SLC4A3: variants seen among roughly 807,000 people sequenced by gnomAD.
SLC4A3 encodes the protein anion exchange protein 3.
SLC4A3 carries 47 observed loss-of-function variants against 114.2 expected under a neutral mutation model. The ratio of observed to expected loss-of-function variants is 0.41; its 90% CI spans 0.33 to 0.52. The LOEUF (loss-of-function observed/expected upper bound fraction) is 0.52. Among genes scored for constraint, SLC4A3 ranks in the 20% least tolerant of loss-of-function variants. SLC4A3 has a pLI of 0.21. For synonymous variants in SLC4A3, 693 were observed against 710.3 expected (o/e 0.98, Z 0.39); for missense variants, 1,312 against 1,668.3 (o/e 0.79, Z 3.72).
chr2:219,636,173 A>G lies in SLC4A3; in HGVS notation c.2192-129A>G, dbSNP rs750791034. 6.5e-5 allele frequency: 69 copies of G among 1,059,234 alleles called. No homozygotes were observed. Among genetic ancestry groups the G allele is most frequent in the Non-Finnish European group, 9.0e-5 (64 of 714,228 alleles). 65.6% of individuals were successfully genotyped at this position (1,059,234 alleles called of 1,614,324 possible). A position where few individuals can be genotyped will look rare whatever the true frequency, so the allele number is the denominator to read the frequency against. ...GGGTTTGGGAGCAATGGGGTATGGA[A>G]GGGGCCCTGTGTGTCACTCTAAGGG... On this transcript the variant is annotated intron_variant, in intron 14 of 22. Transcript: ENST00000358055. This position sits in a 1 kb window ranked among gnomAD's most constrained non-coding sequence, Gnocchi z 5.5.
At position 219,639,360 on chromosome 2, in the gene SLC4A3, TC is replaced by T; in HGVS notation, c.3024-120del. 16 of 1,195,652 alleles carry T rather than the reference TC, an allele frequency of 1.3e-5. No homozygotes were observed. Among genetic ancestry groups the T allele is most frequent in the Non-Finnish European group, 1.9e-5 (16 of 843,760 alleles). 74.1% of individuals were successfully genotyped at this position (1,195,652 alleles called of 1,614,324 possible). A position where few individuals can be genotyped will look rare whatever the true frequency, so the allele number is the denominator to read the frequency against. ...GGAACTTGAAAGAAGAAGCTGGCAGTCCTAGGGAGAACTGTTGTCTGCACGT... is the reference window on the plus strand; with the variant it reads ...GGAACTTGAAAGAAGAAGCTGGCAGTCTAGGGAGAACTGTTGTCTGCACGT... On this transcript the variant is annotated intron_variant, in intron 19 of 22. Transcript: ENST00000358055. This position sits in a 1 kb window ranked among gnomAD's most constrained non-coding sequence, Gnocchi z 5.9.
chr2:219,633,118 A>G, intron 9 of SLC4A3, 109 bp downstream of exon 9: 2 of 1,434,216 alleles, frequency 1.4e-6, no homozygotes, highest in East Asian at 4.6e-5. Context: ...CAAGTGACAG[A>G]GAGCTCATTT....
At chr2:219,635,017 C>G (rs543885040) in intron 12 of SLC4A3, among the ~76,000 whole-genome samples, 6 of 152,274 alleles carry the variant, frequency 3.9e-5, no homozygotes, top group Non-Finnish European at 8.8e-5. Context: ...AGGTGTTATC[C>G]CTTTAGTTGC....
Position 219,629,612 on chromosome 2 carries a change from A to G in SLC4A3, c.528A>G (p.Pro176=). 2 of 1,612,998 alleles carry G rather than the reference A, an allele frequency of 1.2e-6. No individual in the cohort carries two copies. The highest frequency in any genetic ancestry group is 1.3e-5 in the African/African-American group (1 of 74,896). Residue 176 remains proline, a synonymous_variant, in exon 5 of 23, where the codon CCA becomes CCG. Coordinates refer to ENST00000358055, the MANE Select transcript of SLC4A3 (RefSeq NM_005070.4). ...FSIGSDEDDS[P]GLPGRAAVTK... is the part of the protein sequence containing the mutation. The stretch of plus-strand genomic sequence containing the variant: ...TTGGAAGTGACGAGGATGACAGTCC[A>G]GGCCTCCCTGGGAGGGCTGCTGTCA...
intron 9 of SLC4A3, 124 bp downstream of exon 9, chr2:219,633,133 C>CT: frequency 7.2e-7 from 1 of 1,396,638 alleles, no homozygotes; most frequent in Non-Finnish European, 9.9e-7. Context: ...TCATTTCTAT[C>CT]TTTTGACACT....
At position 219,631,891 on chromosome 2, in the gene SLC4A3, T is replaced by C; in HGVS notation, c.812-77T>C. ...TGTAGAGCTCACCAAGTAGATGGGTTGGGCAGAAGGAGCTGGGCCGTGACC... is the reference window on the plus strand; with the variant it reads ...TGTAGAGCTCACCAAGTAGATGGGTCGGGCAGAAGGAGCTGGGCCGTGACC... On this transcript the variant is annotated intron_variant, in intron 6 of 22. Coordinates refer to ENST00000358055, the MANE Select transcript of SLC4A3 (RefSeq NM_005070.4). This position sits in a 1 kb window ranked among gnomAD's most constrained non-coding sequence, Gnocchi z 6.3. The C allele has an allele frequency of 6.8e-7, 1 of 1,478,892 alleles. No individual in the cohort carries two copies. Among genetic ancestry groups the C allele is most frequent in the Non-Finnish European group, 9.1e-7 (1 of 1,099,698 alleles). The allele number at this position is 1,478,892 out of a possible 1,614,324, so 91.6% of individuals were successfully genotyped here. A position where few individuals can be genotyped will look rare whatever the true frequency, so the allele number is the denominator to read the frequency against.
Position 219,628,528 on chromosome 2 carries a change from C to G in SLC4A3, c.175C>G (p.Pro59Ala), listed in dbSNP as rs769796279. 21 of 1,613,306 alleles carry G rather than the reference C, an allele frequency of 1.3e-5. No individual in the cohort carries two copies. Among genetic ancestry groups the G allele is most frequent in the Non-Finnish European group, 1.7e-5 (20 of 1,179,832 alleles). The stretch of plus-strand genomic sequence containing the variant: ...CATCAGCAAGCCCCCGGCCTGGGAC[C>G]CCGAGAAGCCCAGCCGCAGCTACAG... ...DLISKPPAWD[P>A]EKPSRSYSER... Residue 59 changes from proline (P) to alanine (A), a missense_variant, in exon 3 of 23, where the codon CCC becomes GCC. Around this residue, in one of 4 missense-constraint regions of SLC4A3, gnomAD observed 236 missense variants for 212.1 expected, o/e 1.11. Transcript: ENST00000358055. This position sits in a 1 kb window ranked among gnomAD's most constrained non-coding sequence, Gnocchi z 4.8.
At position 219,636,798 on chromosome 2, in the gene SLC4A3, C is replaced by T. The variant is rs775610088; in HGVS notation, c.2459C>T (p.Ser820Leu). 43 of 1,613,964 alleles carry T rather than the reference C, an allele frequency of 2.7e-5. No homozygotes were observed. Among genetic ancestry groups the T allele is most frequent in the African/African-American group, 4.0e-5 (3 of 74,912 alleles). ...GGCAGCTTCCTGGTCCGCTACATCT[C>T]GCCTTTCACCCAGGAGATCTTTGCC... The part of the protein sequence containing the change: ...AEGSFLVRYI[S>L]PFTQEIFAFL... The change falls in exon 16 of 23, where the codon TCG (serine) becomes TTG (leucine). Residue 820 changes from serine (S) to leucine (L), a missense_variant. Coordinates refer to ENST00000358055, the MANE Select transcript of SLC4A3 (RefSeq NM_005070.4). The surrounding 1 kb of genome is among the most constrained non-coding windows in gnomAD (Gnocchi z 5.5).
intron 12 of SLC4A3, 126 bp from the exon 13 acceptor site, chr2:219,635,145 G>T: frequency 1.4e-6 from 1 of 708,558 alleles, no homozygotes; most frequent in African/African-American, 1.8e-5. Flanking sequence ...CTGTTGGACT[G>T]GCCCAGTATC....
rs368986646 is a variant in SLC4A3 at position 219,629,709 on chromosome 2, C to T, written c.611+14C>T. 6.3e-5 allele frequency: 100 copies of T among 1,576,660 alleles called. No homozygotes were observed. Among genetic ancestry groups the T allele is most frequent in the Non-Finnish European group, 8.3e-5 (95 of 1,149,992 alleles). On this transcript the variant is annotated intron_variant, in intron 5 of 22. Transcript: ENST00000358055. ...GCACTCCAGCAGGTACTGGCTGCAG[C>T]CTCTACTCAGCAGGGCCCAGCCCAG...
chr2:219,638,164 G>C lies in SLC4A3; in HGVS notation c.2767G>C (p.Ala923Pro). The C allele has an allele frequency of 6.2e-7, 1 of 1,610,232 alleles. No homozygotes were observed. Among genetic ancestry groups the C allele is most frequent in the Non-Finnish European group, 8.5e-7 (1 of 1,177,912 alleles). The change falls in exon 18 of 23, where the codon GCT becomes CCT. Residue 923 changes from alanine (A) to proline (P), a missense_variant and splice_region_variant. By Grantham distance (27) the Ala-to-Pro change is conservative. Around this residue, in one of 4 missense-constraint regions of SLC4A3, gnomAD observed 301 missense variants for 460.7 expected, o/e 0.65. Coordinates refer to ENST00000358055, the MANE Select transcript of SLC4A3 (RefSeq NM_005070.4). This position sits in a 1 kb window ranked among gnomAD's most constrained non-coding sequence, Gnocchi z 7.5. ...FRNSRFLGGK[A>P]RRIIGDFGIP... ...CCTTCCCCAACTGGCCCCTCTCAAG[G>C]CTCGTCGCATCATCGGGGACTTTGG...
chr2:219,637,188 A>G lies in SLC4A3; in HGVS notation c.2535+314A>G, dbSNP rs1292974770. On this transcript the variant is annotated intron_variant, in intron 16 of 22. Coordinates refer to ENST00000358055, the MANE Select transcript of SLC4A3 (RefSeq NM_005070.4). The surrounding 1 kb of genome is among the most constrained non-coding windows in gnomAD (Gnocchi z 4.6). ...TGGGTGTCCTTGGGTCACCTTTTGT[A>G]GAGGAGTGTGTGTGTGTGTGTGGGT... is the stretch of plus-strand genomic sequence containing the variant. 7.0e-6 allele frequency among the ~76,000 whole-genome samples: 1 copy of G among 143,394 alleles called. No individual in the cohort carries two copies. Among genetic ancestry groups the G allele is most frequent in the African/African-American group, 2.5e-5 (1 of 39,674 alleles). 94.1% of individuals were successfully genotyped at this position (143,394 alleles called of 152,430 possible).
chr2:219,632,569 G>T, intron 8 of SLC4A3, 127 bp downstream of exon 8: 1 of 1,171,218 alleles, frequency 8.5e-7, no homozygotes. Flanking sequence ...TGGGACCGTG[G>T]GGGTCCATTT....
At position 219,639,435 on chromosome 2, in the gene SLC4A3, G is replaced by A; in HGVS notation, c.3024-47G>A. 1 of 1,592,904 alleles carries A rather than the reference G, an allele frequency of 6.3e-7. No individual in the cohort carries two copies. The highest frequency in any genetic ancestry group is 8.5e-7 in the Non-Finnish European group (1 of 1,171,002). ...GTGTGCGTGCCTGTCTTTGTCCCCT[G>A]CCCCTGCCAGGCCAGCCACACCCCG... On this transcript the variant is annotated intron_variant, in intron 19 of 22. Transcript: ENST00000358055. The surrounding 1 kb of genome is among the most constrained non-coding windows in gnomAD (Gnocchi z 5.9).
rs1389768878 is a variant in SLC4A3 at position 219,640,827 on chromosome 2, G to T, written c.3486G>T (p.Gln1162His). ...GGATGCATCTGTTCACCTGCATCCA[G>T]CTGGGCTGCATCGCACTGCTCTGGG... ...TWRMHLFTCI[Q>H]LGCIALLWVV... The change falls in exon 22 of 23, where the codon CAG becomes CAT. Residue 1162 changes from glutamine to histidine, a missense_variant. Physicochemically the swap from Gln to His is conservative, Grantham distance 24. Transcript: ENST00000358055. The T allele has an allele frequency of 1.2e-6, 2 of 1,612,382 alleles. No individual in the cohort carries two copies. Among genetic ancestry groups the T allele is most frequent in the Non-Finnish European group, 1.7e-6 (2 of 1,180,030 alleles).
rs200423556 is a variant in SLC4A3, at chr2:219,634,478, A to G, written c.1620A>G (p.Val540=). 42 of 1,613,454 alleles carry G rather than the reference A, an allele frequency of 2.6e-5. No individual in the cohort carries two copies. Among genetic ancestry groups the G allele is most frequent in the Middle Eastern group, 1.6e-4 (1 of 6,084 alleles). Residue 540 remains valine, a synonymous_variant, in exon 12 of 23, where the codon GTA becomes GTG. Transcript: ENST00000358055. The part of the protein sequence containing the change: ...AAAFVRLNEA[V]LLESVLEVPV... ...CCTTCGTGCGTCTGAATGAGGCTGT[A>G]CTCCTGGAGTCTGTGCTTGAGGTCC...
chr2:219,639,436 C>G lies in SLC4A3; in HGVS notation c.3024-46C>G. 1.3e-6 allele frequency: 2 copies of G among 1,593,880 alleles called. No homozygotes were observed. The highest frequency in any genetic ancestry group is 1.7e-6 in the Non-Finnish European group (2 of 1,171,242). ...TGTGCGTGCCTGTCTTTGTCCCCTG[C>G]CCCTGCCAGGCCAGCCACACCCCGC... is the stretch of plus-strand genomic sequence containing the variant. On this transcript the variant is annotated intron_variant, in intron 19 of 22. Coordinates refer to ENST00000358055, the MANE Select transcript of SLC4A3 (RefSeq NM_005070.4). The surrounding 1 kb of genome is among the most constrained non-coding windows in gnomAD (Gnocchi z 5.9).
Position 219,636,876 on chromosome 2 carries a change from T to G in SLC4A3, c.2535+2T>G. The G allele has an allele frequency of 1.2e-6, 2 of 1,612,378 alleles. No homozygotes were observed. The highest frequency in any genetic ancestry group is 1.7e-6 in the Non-Finnish European group (2 of 1,178,784). On this transcript the variant is annotated splice_donor_variant, in intron 16 of 22. Coordinates refer to ENST00000358055, the MANE Select transcript of SLC4A3 (RefSeq NM_005070.4). LOFTEE classifies it high-confidence loss of function. The surrounding 1 kb of genome is among the most constrained non-coding windows in gnomAD (Gnocchi z 5.5). Reference sequence around the variant, plus strand: ...GAGACCTTCTACAAGCTCTACAAGGTGGAGGTCCAGCGAGGTCTTGGGGGT... The same window carrying G: ...GAGACCTTCTACAAGCTCTACAAGGGGGAGGTCCAGCGAGGTCTTGGGGGT...
chr2:219,635,366 C>T lies in SLC4A3; in HGVS notation c.1842C>T (p.Ser614=), dbSNP rs553891640. The T allele has an allele frequency of 2.0e-5, 33 of 1,614,172 alleles. No individual in the cohort carries two copies. In the South Asian group the frequency reaches 2.3e-4, roughly 11 times the overall value. ...ATGGCAGCATTGTGATCCCCCCGTCCGAGGTGGAGGGCCGTGACCTGCTGC... is the reference window on the plus strand; with the variant it reads ...ATGGCAGCATTGTGATCCCCCCGTCTGAGGTGGAGGGCCGTGACCTGCTGC... ...FLDGSIVIPP[S]EVEGRDLLRS... The change falls in exon 13 of 23, where the codon TCC becomes TCT. Residue 614 remains serine, a synonymous_variant. Transcript: ENST00000358055.
Sources: gnomAD v4.1 joint callset for allele counts (sites outside exome capture counted in the v4.1 genomes callset) on GRCh38, gnomAD v4.1.1 for gene constraint, gnomAD v4.1.1 regional missense constraint, Gnocchi (gnomAD v3.1) non-coding constraint, MANE v1.5 for transcripts, NCBI Gene and HGNC (gene_info 2026-07-23, HGNC 2026-07-21) for gene names.